Variants in LRRC69 observed in about 807,000 individuals in gnomAD.
LRRC69 encodes the protein leucine-rich repeat-containing protein 69.
Under a neutral mutation model 37.8 loss-of-function variants are expected in LRRC69, and 42 were observed. The observed-to-expected ratio is 1.11, with a 90% CI of 0.87 to 1.44. The LOEUF is 1.44. Among genes scored for constraint, LRRC69 ranks in the 40% most tolerant of loss-of-function variants. The probability of loss-of-function intolerance (pLI) is 0.00; values close to 1 mark genes in which losing one functional copy is unlikely to be tolerated. For synonymous variants in LRRC69, 141 were observed against 143.1 expected, an observed-to-expected ratio of 0.99 and a Z score of 0.11; for missense variants, 357 against 401.9, an observed-to-expected ratio of 0.89 and a Z score of 0.96.
intron 6 of LRRC69, among the ~76,000 whole-genome samples, chr8:91,194,632 C>T (rs573771676): frequency 2.6e-5 from 4 of 151,962 alleles, no homozygotes; most frequent in South Asian, 2.1e-4. Flanking sequence ...AGTTTATTTG[C>T]GTAGAGGTGT....
intron 6 of LRRC69, among the ~76,000 whole-genome samples, chr8:91,197,432 C>G (rs1463561936): frequency 2.6e-5 from 4 of 152,130 alleles, no homozygotes; most frequent in African/African-American, 9.6e-5. Flanking sequence ...GCGGGCGCCC[C>G]TCCCCCAGCC....
At chr8:91,197,849 C>T (rs559866837) in intron 6 of LRRC69, among the ~76,000 whole-genome samples, 123 of 152,174 alleles carry the variant, frequency 8.1e-4, no homozygotes, top group African/African-American at 2.5e-3. Context: ...TGTTCCTATT[C>T]GGCCATCTTG....
chr8:91,150,213 C>T (rs1808707040), intron 5 of LRRC69, among the ~76,000 whole-genome samples: 1 of 151,920 alleles, frequency 6.6e-6, no homozygotes, highest in Non-Finnish European at 1.5e-5. Context: ...ATGATATTGG[C>T]TGTGGGTTTG....
At chr8:91,157,787 G>A (rs1348880188) in intron 5 of LRRC69, 1 of 1,607,594 alleles carries the variant, frequency 6.2e-7, no homozygotes, top group African/African-American at 1.3e-5. Context: ...TATCGCAGCA[G>A]TGGAAGTGGA....
chr8:91,138,050 A>G (rs995312136), intron 5 of LRRC69, among the ~76,000 whole-genome samples: 1 of 152,004 alleles, frequency 6.6e-6, no homozygotes. Context: ...CAGAGTTGCT[A>G]TTTCTTCATC....
rs566446350 is a variant in LRRC69 at position 91,147,459 on chromosome 8, G to A, written c.651+11720G>A. ...TTCTTTTTTTCTCTTTGTTTGAGAC[G>A]AGGTCTCACTATTTTGCCCAGGCTG... On this transcript the variant is annotated intron_variant, in intron 5 of 7. Transcript: ENST00000448384. Among the ~76,000 whole-genome samples the A allele has an allele frequency of 1.5e-3, 223 of 150,652 alleles. 4 individuals carry two copies. The highest frequency in any genetic ancestry group is 2.6e-3 in the Non-Finnish European group (175 of 67,698).
chr8:91,193,456 G>A (rs1269972553), intron 6 of LRRC69, among the ~76,000 whole-genome samples: 1 of 132,152 alleles, frequency 7.6e-6, no homozygotes, highest in South Asian at 2.7e-4. Flanking sequence ...CCATTTTCAC[G>A]ATATTGATTC....
rs182884540 is a variant in LRRC69 at position 91,164,595 on chromosome 8, C to T, written c.652-24927C>T. Among the ~76,000 whole-genome samples the T allele has an allele frequency of 5.3e-5, 8 of 151,740 alleles. No homozygotes were observed. In the East Asian group the frequency reaches 1.6e-3, roughly 30 times the overall value. The stretch of plus-strand genomic sequence containing the variant: ...GATATGTAAAGTTGCTATATAAAAA[C>T]AAACAATGGTTAATAATATTTTTTG... On this transcript the variant is annotated intron_variant, in intron 5 of 7. Coordinates refer to ENST00000448384, the Ensembl canonical transcript of LRRC69.
chr8:91,205,204 A>G (rs1286842758), intron 7 of LRRC69, among the ~76,000 whole-genome samples: 1 of 152,124 alleles, frequency 6.6e-6, no homozygotes, highest in East Asian at 1.9e-4. Flanking sequence ...CCAAGTAGAG[A>G]GATTTTATCA....
intron 5 of LRRC69, among the ~76,000 whole-genome samples, chr8:91,144,045 AGAAT>A (rs1808575497): frequency 1.3e-5 from 2 of 151,998 alleles, no homozygotes; most frequent in Non-Finnish European, 2.9e-5. Flanking sequence ...CAGTAATGAT[AGAAT>A]GAATGAATAA....
rs779662236 is a variant in LRRC69 at position 91,191,051 on chromosome 8, C to G, written c.753+1428C>G. 1.3e-3 allele frequency among the ~76,000 whole-genome samples: 180 copies of G among 143,138 alleles called. 4 individuals are homozygous for G. The highest frequency in any genetic ancestry group is 3.1e-3 in the African/African-American group (118 of 38,648). The allele number at this position is 143,138 out of a possible 152,430, so 93.9% of individuals were successfully genotyped here. A position where few individuals can be genotyped will look rare whatever the true frequency, so the allele number is the denominator to read the frequency against. On this transcript the variant is annotated intron_variant, in intron 6 of 7. Coordinates refer to ENST00000448384, the Ensembl canonical transcript of LRRC69. ...AGGATCCTGTCTCAAACCCCCCCCC[C>G]CCCAAGTCAAAAAGCAACAACAACA...
At chr8:91,127,359 A>C (rs1356114468) in intron 3 of LRRC69, among the ~76,000 whole-genome samples, 199 bp downstream of exon 3, 2 of 151,930 alleles carry the variant, frequency 1.3e-5, no homozygotes, top group Non-Finnish European at 2.9e-5. Context: ...AAACAGCATG[A>C]TAATCTTAGT....
intron 1 of LRRC69, among the ~76,000 whole-genome samples, chr8:91,122,327 C>T (rs1212592587): frequency 1.3e-5 from 2 of 151,894 alleles, no homozygotes; most frequent in African/African-American, 2.4e-5. Context: ...AGCAGACAAG[C>T]TTGGAAATTA....
At chr8:91,199,037 A>G (rs1809669081) in intron 6 of LRRC69, among the ~76,000 whole-genome samples, 1 of 152,192 alleles carries the variant, frequency 6.6e-6, no homozygotes, top group African/African-American at 2.4e-5. Flanking sequence ...GGAAAAAGTG[A>G]TCTATATGAA....
rs1301897748 is a variant in LRRC69, at chr8:91,164,853, T to A, written c.652-24669T>A. Among the ~76,000 whole-genome samples, 5 of 151,816 alleles carry A rather than the reference T, an allele frequency of 3.3e-5. No individual in the cohort carries two copies. In the East Asian group the frequency reaches 9.8e-4, roughly 30 times the overall value. The stretch of plus-strand genomic sequence containing the variant: ...AGTAGTGATTTATATAAACATATTA[T>A]GCCTGATTATCATGTATTGTTCTTG... On this transcript the variant is annotated intron_variant, in intron 5 of 7. Transcript: ENST00000448384.
intron 1 of LRRC69, among the ~76,000 whole-genome samples, chr8:91,119,416 A>T (rs139292346): frequency 1.3e-5 from 2 of 151,996 alleles, no homozygotes; most frequent in Non-Finnish European, 2.9e-5. Flanking sequence ...CACTCACTTC[A>T]TCTTAGTTTT....
chr8:91,122,715 A>G (rs922583009), intron 1 of LRRC69, among the ~76,000 whole-genome samples: 17 of 152,040 alleles, frequency 1.1e-4, no homozygotes, highest in African/African-American at 4.1e-4. Flanking sequence ...TTGGGCTGTC[A>G]GTACTGCTAG....
chr8:91,198,460 A>G (rs1229959290), intron 6 of LRRC69, among the ~76,000 whole-genome samples: 1 of 152,148 alleles, frequency 6.6e-6, no homozygotes, highest in Non-Finnish European at 1.5e-5. Flanking sequence ...ACATAGTAAC[A>G]CCTGAGTATA....
At chr8:91,219,203 T>G (rs1810115051), downstream of LRRC69, 2 of 371,540 alleles carry the variant, frequency 5.4e-6, no homozygotes, top group Admixed American at 4.5e-5. Context: ...GTGCTTTTTT[T>G]GGCTTAAAAA....
Sources: gnomAD v4.1 joint callset for allele counts (sites outside exome capture counted in the v4.1 genomes callset) on GRCh38, gnomAD v4.1.1 for gene constraint, MANE v1.5 for transcripts, NCBI Gene and HGNC (gene_info 2026-07-23, HGNC 2026-07-21) for gene names.